PIBF1: variants seen among roughly 807,000 people sequenced by gnomAD.
PIBF1 encodes the protein progesterone immunomodulatory binding factor 1.
In PIBF1, 90 loss-of-function variants were observed where a neutral mutation model predicts 112.5. The ratio of observed to expected loss-of-function variants is 0.80; its 90% CI spans 0.67 to 0.95. The LOEUF (loss-of-function observed/expected upper bound fraction) is 0.95. Among genes scored for constraint, PIBF1 ranks in the 40% least tolerant of loss-of-function variants. The pLI, the probability that PIBF1 is intolerant of heterozygous loss-of-function variation, is 0.00. For synonymous variants in PIBF1, 301 were observed against 288.6 expected (o/e 1.04, Z -0.44); for missense variants, 915 against 852.3 (o/e 1.07, Z -0.92).
intron 14 of PIBF1, among the ~76,000 whole-genome samples, chr13:72,933,309 G>A (rs2041767359): frequency 6.6e-6 from 1 of 152,238 alleles, no homozygotes; most frequent in African/African-American, 2.4e-5. Flanking sequence ...GGCCAAGGCA[G>A]GAGAGTCACA....
At chr13:72,785,931 G>T (rs1232575624) in intron 2 of PIBF1, among the ~76,000 whole-genome samples, 1 of 152,128 alleles carries the variant, frequency 6.6e-6, no homozygotes, top group Non-Finnish European at 1.5e-5. Context: ...AGAAATGTTG[G>T]TTGATTCATG....
chr13:72,806,556 A>G (rs1052614021), intron 5 of PIBF1, among the ~76,000 whole-genome samples: 3 of 151,708 alleles, frequency 2.0e-5, no homozygotes, highest in African/African-American at 7.3e-5. Context: ...CCAGTGTGTG[A>G]TGTTCCTCTC....
intron 10 of PIBF1, among the ~76,000 whole-genome samples, chr13:72,857,839 TCAAAA>T (rs529029007): frequency 5.5e-4 from 84 of 152,270 alleles, no homozygotes; most frequent in African/African-American, 1.9e-3. Context: ...AAACTCTGTC[TCAAAA>T]CAAAAACAAA....
chr13:72,916,805 A>T (rs1211481959), intron 12 of PIBF1, among the ~76,000 whole-genome samples: 1 of 152,148 alleles, frequency 6.6e-6, no homozygotes, highest in East Asian at 1.9e-4. Context: ...TCAGAATAAT[A>T]CATGTATTAT....
chr13:72,991,272 T>C (rs1045628062), intron 16 of PIBF1, among the ~76,000 whole-genome samples: 2 of 145,558 alleles, frequency 1.4e-5, no homozygotes, highest in African/African-American at 2.8e-5. Flanking sequence ...AGAGATTGTT[T>C]ATGCAGTCGT....
At chr13:72,960,623 C>T (rs1011896158) in intron 14 of PIBF1, among the ~76,000 whole-genome samples, 1 of 152,026 alleles carries the variant, frequency 6.6e-6, no homozygotes, top group Non-Finnish European at 1.5e-5. Context: ...TTAGTTATTC[C>T]CTGCCACCCT....
chr13:72,866,820 T>G lies in PIBF1; in HGVS notation c.1322+12665T>G, dbSNP rs1267765691. On this transcript the variant is annotated intron_variant, in intron 10 of 17. Transcript: ENST00000326291. ...TGTTTTATTTTCGTTCCTTATTTTT[T>G]TCATTCAAGTGATTCCTGATTTTAA... is the stretch of plus-strand genomic sequence containing the variant. Among the ~76,000 whole-genome samples, 3 of 152,342 alleles carry G rather than the reference T, an allele frequency of 2.0e-5. No homozygotes were observed. The East Asian group carries it at 5.8e-4, about 29-fold the overall frequency.
chr13:73,010,953 A>G (rs2044185809), intron 17 of PIBF1, among the ~76,000 whole-genome samples: 1 of 150,044 alleles, frequency 6.7e-6, no homozygotes, highest in South Asian at 2.1e-4. Flanking sequence ...CAGCCTCCCA[A>G]GTAGATGGGA....
intron 10 of PIBF1, among the ~76,000 whole-genome samples, chr13:72,870,044 A>G (rs367777381): frequency 1.2e-4 from 19 of 152,336 alleles, no homozygotes; most frequent in African/African-American, 4.6e-4. Flanking sequence ...TGCAGATACC[A>G]TCTGATAAAT....
intron 17 of PIBF1, among the ~76,000 whole-genome samples, chr13:73,001,040 T>A (rs1374942561): frequency 6.6e-6 from 1 of 152,172 alleles, no homozygotes; most frequent in Non-Finnish European, 1.5e-5. Flanking sequence ...GAGGTAATAC[T>A]ACAAACAAGT....
intron 17 of PIBF1, among the ~76,000 whole-genome samples, chr13:73,001,676 T>G (rs2043875691): frequency 7.1e-6 from 1 of 140,924 alleles, no homozygotes; most frequent in Non-Finnish European, 1.5e-5. Context: ...CAGGCTGGAG[T>G]GCAGTGGCGT....
intron 12 of PIBF1, among the ~76,000 whole-genome samples, chr13:72,913,932 G>A (rs149345362): frequency 3.3e-5 from 5 of 152,234 alleles, no homozygotes; most frequent in African/African-American, 1.2e-4. Flanking sequence ...TGTACTAGAA[G>A]ATCAGTAACT....
chr13:72,976,694 C>T (rs912799735), intron 16 of PIBF1, among the ~76,000 whole-genome samples: 13 of 152,200 alleles, frequency 8.5e-5, no homozygotes, highest in Non-Finnish European at 1.2e-4. Flanking sequence ...CAAAGGCCTC[C>T]GCAAATTGCA....
At chr13:72,951,155 A>T (rs2042285715) in intron 14 of PIBF1, among the ~76,000 whole-genome samples, 1 of 152,226 alleles carries the variant, frequency 6.6e-6, no homozygotes, top group South Asian at 2.1e-4. Context: ...CACACACATC[A>T]GTGCACACAT....
intron 10 of PIBF1, among the ~76,000 whole-genome samples, chr13:72,872,697 T>C (rs1360269316): frequency 6.6e-6 from 1 of 152,188 alleles, no homozygotes; most frequent in Non-Finnish European, 1.5e-5. Context: ...ATGCCATGGC[T>C]AGAATTTACA....
At chr13:73,011,930 G>A (rs2044216275) in intron 17 of PIBF1, among the ~76,000 whole-genome samples, 1 of 152,142 alleles carries the variant, frequency 6.6e-6, no homozygotes, top group Admixed American at 6.6e-5. Flanking sequence ...AGTATGCCAA[G>A]GGCTGCAACA....
intron 11 of PIBF1, among the ~76,000 whole-genome samples, chr13:72,902,901 C>T (rs2040550565): frequency 7.0e-6 from 1 of 143,248 alleles, no homozygotes; most frequent in Non-Finnish European, 1.5e-5. Context: ...GGAAATAAAT[C>T]TTTTTTTTTT....
intron 11 of PIBF1, among the ~76,000 whole-genome samples, chr13:72,897,941 C>G (rs774494503): frequency 3.3e-5 from 5 of 152,202 alleles, no homozygotes; most frequent in Non-Finnish European, 7.3e-5. Context: ...TGGATTTAAA[C>G]TGTACCTTGG....
At chr13:72,831,192 G>A (rs1363304167) in intron 8 of PIBF1, among the ~76,000 whole-genome samples, 1 of 150,860 alleles carries the variant, frequency 6.6e-6, no homozygotes, top group African/African-American at 2.4e-5. Context: ...TATCTATTTT[G>A]TTGATCTTTA....
Sources: gnomAD v4.1 joint callset for allele counts (sites outside exome capture counted in the v4.1 genomes callset) on GRCh38, gnomAD v4.1.1 for gene constraint, MANE v1.5 for transcripts, NCBI Gene and HGNC (gene_info 2026-07-23, HGNC 2026-07-21) for gene names.